The following UNC5D variants were observed in gnomAD, a reference collection of about 807,000 sequenced individuals.
UNC5D encodes netrin receptor UNC5D.
In UNC5D, 39 loss-of-function variants were observed where a neutral mutation model predicts 105.4. The observed-to-expected ratio is 0.37, with a 90% CI of 0.29 to 0.48. The LOEUF (loss-of-function observed/expected upper bound fraction) is 0.48, where lower values mean the gene tolerates loss of function less well. UNC5D is among the 20% of genes least tolerant of loss of function. The pLI is 0.98. For missense variants in UNC5D, 991 were observed against 1,202.4 expected, an observed-to-expected ratio of 0.82 and a Z score of 2.60; for synonymous variants, 452 against 450.4, an observed-to-expected ratio of 1.00 and a Z score of -0.04.
At chr8:35,290,618 G>A (rs1432700697) in intron 1 of UNC5D, among the ~76,000 whole-genome samples, 3 of 152,068 alleles carry the variant, frequency 2.0e-5, no homozygotes, top group African/African-American at 4.8e-5. Context: ...ATACTTCAAA[G>A]TAACTAAGAT....
chr8:35,249,506 C>T (rs1019828964), intron 1 of UNC5D, among the ~76,000 whole-genome samples: 6 of 150,330 alleles, frequency 4.0e-5, no homozygotes, highest in Admixed American at 6.6e-5. Flanking sequence ...TGCAGTGAAC[C>T]GAGATTGCAC....
At chr8:35,753,456 A>AGAT (rs1426025012) in intron 13 of UNC5D, among the ~76,000 whole-genome samples, 3 of 152,004 alleles carry the variant, frequency 2.0e-5, no homozygotes, top group Non-Finnish European at 1.5e-5. Flanking sequence ...TTTTTAGTAG[A>AGAT]GATGGGGTTT....
At chr8:35,565,609 C>T (rs1462102184) in intron 2 of UNC5D, among the ~76,000 whole-genome samples, 2 of 152,032 alleles carry the variant, frequency 1.3e-5, no homozygotes, top group Non-Finnish European at 2.9e-5. Flanking sequence ...GTTTTTATTG[C>T]ATTTGCTTTT....
chr8:35,463,243 G>T (rs192607821), intron 1 of UNC5D, among the ~76,000 whole-genome samples: 1 of 152,274 alleles, frequency 6.6e-6, no homozygotes, highest in East Asian at 1.9e-4. Context: ...TCCCTTTACT[G>T]GTGTAGCTAT....
At chr8:35,319,148 T>C (rs1400159278) in intron 1 of UNC5D, among the ~76,000 whole-genome samples, 1 of 152,102 alleles carries the variant, frequency 6.6e-6, no homozygotes, top group African/African-American at 2.4e-5. Flanking sequence ...AGTATGGCAA[T>C]GAAGTCTGGA....
At chr8:35,458,053 C>CT (rs1378648821) in intron 1 of UNC5D, among the ~76,000 whole-genome samples, 2 of 152,068 alleles carry the variant, frequency 1.3e-5, no homozygotes, top group East Asian at 3.9e-4. Flanking sequence ...CTGTAGTGGA[C>CT]TGAGAGTCTA....
At chr8:35,242,284 T>A (rs190264936) in intron 1 of UNC5D, among the ~76,000 whole-genome samples, 1 of 152,148 alleles carries the variant, frequency 6.6e-6, no homozygotes, top group Admixed American at 6.6e-5. Context: ...CCCAGTCAGA[T>A]AAGTCAGAGG....
intron 3 of UNC5D, among the ~76,000 whole-genome samples, chr8:35,568,855 C>T (rs1817540044): frequency 6.6e-6 from 1 of 152,124 alleles, no homozygotes; most frequent in Non-Finnish European, 1.5e-5. Context: ...TTCTGCTGTT[C>T]ACCGTCAATG....
chr8:35,476,900 C>T (rs1810142818), intron 1 of UNC5D, among the ~76,000 whole-genome samples: 1 of 152,206 alleles, frequency 6.6e-6, no homozygotes, highest in African/African-American at 2.4e-5. Context: ...CCAATTCTAA[C>T]ATTAATATTG....
intron 1 of UNC5D, among the ~76,000 whole-genome samples, chr8:35,458,406 G>A (rs1191114779): frequency 6.6e-6 from 1 of 152,128 alleles, no homozygotes; most frequent in Non-Finnish European, 1.5e-5. Flanking sequence ...ACCATGACTG[G>A]TAGTTGCAAT....
chr8:35,411,726 G>A (rs1314685404), intron 1 of UNC5D, among the ~76,000 whole-genome samples: 1 of 151,888 alleles, frequency 6.6e-6, no homozygotes, highest in Non-Finnish European at 1.5e-5. Context: ...TGCATTATAT[G>A]TATATTTATT....
At chr8:35,340,794 T>C (rs769070131) in intron 1 of UNC5D, among the ~76,000 whole-genome samples, 4 of 152,156 alleles carry the variant, frequency 2.6e-5, no homozygotes, top group Non-Finnish European at 5.9e-5. Context: ...TTGGTTTATT[T>C]CCAGCCTTGA....
chr8:35,493,017 C>T (rs1294695613), intron 1 of UNC5D, among the ~76,000 whole-genome samples: 1 of 152,000 alleles, frequency 6.6e-6, no homozygotes, highest in Non-Finnish European at 1.5e-5. Context: ...AAGACAATTG[C>T]ATTTCTTTTG....
intron 1 of UNC5D, among the ~76,000 whole-genome samples, chr8:35,495,927 A>C (rs1342748106): frequency 6.6e-6 from 1 of 152,192 alleles, no homozygotes; most frequent in African/African-American, 2.4e-5. Flanking sequence ...TGCTGAAAAA[A>C]GGGGCCAAAA....
At chr8:35,353,097 G>T (rs1031308150) in intron 1 of UNC5D, among the ~76,000 whole-genome samples, 2 of 152,032 alleles carry the variant, frequency 1.3e-5, no homozygotes, top group African/African-American at 4.8e-5. Context: ...CACAACAAAA[G>T]CTACCCTAAG....
rs924701935 is a variant in UNC5D at position 35,340,023 on chromosome 8, A to G, written c.103+104136A>G. Among the ~76,000 whole-genome samples, 3 of 152,176 alleles carry G rather than the reference A, an allele frequency of 2.0e-5. No individual in the cohort carries two copies. The East Asian group carries it at 5.8e-4, about 29-fold the overall frequency. ...ATTCAGAGCTAGTTTTAAAAACTAC[A>G]TGATTGCTATTTTTGCATATTATCT... is the stretch of plus-strand genomic sequence containing the variant. On this transcript the variant is annotated intron_variant, in intron 1 of 16. Coordinates refer to ENST00000404895, the MANE Select transcript of UNC5D (RefSeq NM_080872.4).
At chr8:35,380,102 GGAGAGAGAGA>G (rs375585779) in intron 1 of UNC5D, among the ~76,000 whole-genome samples, 2 of 113,904 alleles carry the variant, frequency 1.8e-5, no homozygotes, top group African/African-American at 7.2e-5. Context: ...GGGGGGTCGG[GGAGAGAGAGA>G]GAGAGAGAGA....
At chr8:35,272,717 C>T (rs1274541904) in intron 1 of UNC5D, among the ~76,000 whole-genome samples, 1 of 152,152 alleles carries the variant, frequency 6.6e-6, no homozygotes, top group Non-Finnish European at 1.5e-5. Flanking sequence ...GCTACTAGCT[C>T]AAAACAGTTC....
chr8:35,469,044 T>A (rs779963742), intron 1 of UNC5D, among the ~76,000 whole-genome samples: 1 of 152,160 alleles, frequency 6.6e-6, no homozygotes, highest in Non-Finnish European at 1.5e-5. Flanking sequence ...GTAGCTGATA[T>A]GAAATAATCT....
Sources: allele counts gnomAD v4.1 joint callset (sites outside exome capture counted in the v4.1 genomes callset), GRCh38; gene constraint gnomAD v4.1.1; transcripts MANE v1.5; gene names NCBI Gene and HGNC (gene_info 2026-07-23, HGNC 2026-07-21).